Variants in AXDND1 observed in about 807,000 individuals in gnomAD.
AXDND1 encodes the protein axonemal dynein light chain domain-containing protein 1.
A neutral mutation model predicts 137.5 loss-of-function variants in AXDND1; 110 were observed. The observed-to-expected ratio is 0.80, with a 90% CI of 0.69 to 0.94. AXDND1 has a LOEUF of 0.94. AXDND1 is among the 40% of genes least tolerant of loss of function. The pLI is 0.00. For synonymous variants in AXDND1, 414 were observed against 399.7 expected (o/e 1.04, Z -0.43); for missense variants, 1,191 against 1,169.8 (o/e 1.02, Z -0.26).
chr1:179,425,708 G>A (rs1395877516), intron 12 of AXDND1, among the ~76,000 whole-genome samples: 1 of 152,092 alleles, frequency 6.6e-6, no homozygotes, highest in Non-Finnish European at 1.5e-5. Flanking sequence ...CTGGGCAGAA[G>A]CAGGGAGGGA....
At chr1:179,541,675 AATAATAT>A (rs1558323955) in intron 25 of AXDND1, among the ~76,000 whole-genome samples, 6 of 138,508 alleles carry the variant, frequency 4.3e-5, no homozygotes, top group Non-Finnish European at 5.0e-5. Context: ...TAATATGCAT[AATAATAT>A]TGCATGATAA....
intron 11 of AXDND1, among the ~76,000 whole-genome samples, chr1:179,403,075 A>T (rs1652352468): frequency 6.6e-6 from 1 of 152,172 alleles, no homozygotes; most frequent in African/African-American, 2.4e-5. Flanking sequence ...CCAGAACTTA[A>T]TCACTAATAT....
intron 20 of AXDND1, among the ~76,000 whole-genome samples, chr1:179,507,916 C>T (rs952433118): frequency 1.3e-5 from 2 of 152,206 alleles, no homozygotes; most frequent in African/African-American, 4.8e-5. Context: ...CCATTCTAAC[C>T]CTCTGAATCC....
chr1:179,448,109 T>TTTTTATA, intron 16 of AXDND1: 1 of 1,017,280 alleles, frequency 9.8e-7, no homozygotes, highest in South Asian at 1.3e-5. Flanking sequence ...TCCTCATTAA[T>TTTTTATA]TATTTTTCTT....
chr1:179,443,155 C>T lies in AXDND1; in HGVS notation c.1564-1815C>T, dbSNP rs753992441. 4.7e-4 allele frequency among the ~76,000 whole-genome samples: 71 copies of T among 152,254 alleles called. 1 individual carries two copies. The highest frequency in any genetic ancestry group is 2.5e-4 in the Non-Finnish European group (17 of 68,026). ...CCTCAGCAAACCTTTTGGTGGCAGG[C>T]GCAGTGTGAGTTTGTTCACATCTTG... On this transcript the variant is annotated intron_variant, in intron 15 of 25. Transcript: ENST00000367618.
intron 12 of AXDND1, among the ~76,000 whole-genome samples, chr1:179,414,435 A>AT (rs869026107): frequency 1.4e-4 from 18 of 132,802 alleles, no homozygotes; most frequent in African/African-American, 5.0e-4. Context: ...TTATTTATTT[A>AT]TTTTTTTGAG....
chr1:179,523,803 A>T (rs1047974102), intron 21 of AXDND1, among the ~76,000 whole-genome samples: 2 of 151,908 alleles, frequency 1.3e-5, no homozygotes, highest in African/African-American at 4.8e-5. Flanking sequence ...ATTTTGGTGC[A>T]CCCATTACCC....
intron 16 of AXDND1, among the ~76,000 whole-genome samples, chr1:179,463,505 C>A (rs888122641): frequency 1.3e-4 from 20 of 152,120 alleles, no homozygotes; most frequent in Non-Finnish European, 2.5e-4. Context: ...AATTTCTATT[C>A]TTTTTCATTT....
chr1:179,518,636 A>G (rs1243155810), intron 21 of AXDND1, among the ~76,000 whole-genome samples: 1 of 152,122 alleles, frequency 6.6e-6, no homozygotes, highest in Non-Finnish European at 1.5e-5. Context: ...GGGAAAATGT[A>G]GTATTTGGTT....
At chr1:179,366,335 T>C in intron 1 of AXDND1, 69 bp from the exon 2 acceptor site, 1 of 529,964 alleles carries the variant, frequency 1.9e-6, no homozygotes, top group Non-Finnish European at 3.4e-6. Context: ...TAAACTGCGA[T>C]CTGAACCTAA....
chr1:179,395,250 G>A, intron 11 of AXDND1, 48 bp downstream of exon 11: 1 of 1,418,742 alleles, frequency 7.0e-7, no homozygotes, highest in Non-Finnish European at 9.8e-7. Flanking sequence ...AAAGGAAGAA[G>A]CTTATATAGC....
At position 179,449,452 on chromosome 1, in the gene AXDND1, T is replaced by G. The variant is rs143657535; in HGVS notation, c.1798+4248T>G. 899 of 164,758 alleles carry G rather than the reference T, an allele frequency of 5.5e-3. 7 individuals are homozygous for G. Among genetic ancestry groups the G allele is most frequent in the African/African-American group, 0.021 (855 of 41,632 alleles). 10.2% of individuals were successfully genotyped at this position (164,758 alleles called of 1,614,324 possible). Reference sequence around the variant, plus strand: ...AAGCAAGTTTCAAAATCGAGAAGTATGAGTCCTCCTACTTTATTCTTTTTC... The same window carrying G: ...AAGCAAGTTTCAAAATCGAGAAGTAGGAGTCCTCCTACTTTATTCTTTTTC... On this transcript the variant is annotated intron_variant, in intron 16 of 25. Coordinates refer to ENST00000367618, the MANE Select transcript of AXDND1 (RefSeq NM_144696.6).
At chr1:179,412,384 A>G (rs1654033303) in intron 12 of AXDND1, among the ~76,000 whole-genome samples, 1 of 152,222 alleles carries the variant, frequency 6.6e-6, no homozygotes, top group African/African-American at 2.4e-5. Context: ...TCACTGGTCT[A>G]CTGGTGGCAG....
intron 9 of AXDND1, among the ~76,000 whole-genome samples, chr1:179,386,246 C>T (rs1649201947): frequency 6.6e-6 from 1 of 151,926 alleles, no homozygotes; most frequent in Non-Finnish European, 1.5e-5. Flanking sequence ...GACGGGGTTT[C>T]ACCATGTTGG....
chr1:179,439,581 A>G (rs10913757), intron 15 of AXDND1, among the ~76,000 whole-genome samples: 48,898 of 137,670 alleles, frequency 0.36, 8,243 homozygotes, highest in East Asian at 0.53. Context: ...TTGCCTCTGC[A>G]CAGGGAAAAC....
chr1:179,420,311 G>T (rs1245033380), intron 12 of AXDND1, among the ~76,000 whole-genome samples: 1 of 152,144 alleles, frequency 6.6e-6, no homozygotes, highest in East Asian at 1.9e-4. Context: ...CATGGTGAAT[G>T]ATCTTTTTTA....
At chr1:179,401,436 A>C (rs1163273772) in intron 11 of AXDND1, among the ~76,000 whole-genome samples, 1 of 152,212 alleles carries the variant, frequency 6.6e-6, no homozygotes, top group Non-Finnish European at 1.5e-5. Context: ...CTTTTAATAC[A>C]GCCTATTCCT....
chr1:179,547,752 G>C (rs900418949), intron 25 of AXDND1, among the ~76,000 whole-genome samples: 2 of 152,080 alleles, frequency 1.3e-5, no homozygotes, highest in African/African-American at 4.8e-5. Context: ...GAGTTTCCAT[G>C]ATCTGTCTTG....
intron 15 of AXDND1, among the ~76,000 whole-genome samples, chr1:179,432,730 C>T (rs1014650765): frequency 6.6e-6 from 1 of 152,024 alleles, no homozygotes; most frequent in Non-Finnish European, 1.5e-5. Context: ...CCGACCACAT[C>T]TCATTCTTTA....
Sources: allele counts gnomAD v4.1 joint callset (sites outside exome capture counted in the v4.1 genomes callset), GRCh38; gene constraint gnomAD v4.1.1; transcripts MANE v1.5; gene names NCBI Gene and HGNC (gene_info 2026-07-23, HGNC 2026-07-21).